Variants in CDC42BPA observed in about 807,000 individuals in gnomAD.
The protein encoded by CDC42BPA is serine/threonine-protein kinase MRCK alpha.
A neutral mutation model predicts 223.5 loss-of-function variants in CDC42BPA; 80 were observed. That is an observed-to-expected ratio of 0.36 (90% CI 0.30 to 0.43). The LOEUF is 0.43. Among genes scored for constraint, CDC42BPA ranks in the 20% least tolerant of loss-of-function variants. CDC42BPA has a pLI of 1.00. For synonymous variants in CDC42BPA, 694 were observed against 718.6 expected (o/e 0.97, Z 0.55); for missense variants, 1,743 against 2,099.9 (o/e 0.83, Z 3.32).
At chr1:227,246,287 G>A (rs547451849) in intron 2 of CDC42BPA, among the ~76,000 whole-genome samples, 61 of 152,328 alleles carry the variant, frequency 4.0e-4, no homozygotes, top group South Asian at 2.3e-3. Context: ...CAGCACAGAC[G>A]TAGTAAAAAT....
intron 9 of CDC42BPA, among the ~76,000 whole-genome samples, chr1:227,142,344 TCTC>T (rs1659837981): frequency 6.6e-6 from 1 of 152,128 alleles, no homozygotes; most frequent in Non-Finnish European, 1.5e-5. Context: ...GGTTGAAAGT[TCTC>T]CTGCTTGACA....
intron 2 of CDC42BPA, among the ~76,000 whole-genome samples, chr1:227,220,297 TATATATATATATATAC>T (rs1397048568): frequency 2.1e-5 from 2 of 96,540 alleles, no homozygotes; most frequent in Middle Eastern, 4.6e-3. Context: ...TATATATATA[TATATATATATATATAC>T]ACACACACAC....
intron 30 of CDC42BPA, 131 bp from the exon 31 acceptor site, chr1:227,026,283 G>A (rs2148612977): frequency 1.8e-6 from 1 of 551,414 alleles, no homozygotes. Flanking sequence ...TCATATAGTA[G>A]CCAAATCAAA....
chr1:226,998,195 A>G (rs1040383281), intron 35 of CDC42BPA, among the ~76,000 whole-genome samples: 5 of 152,368 alleles, frequency 3.3e-5, no homozygotes, highest in Admixed American at 2.0e-4. Context: ...GGAAGAATCA[A>G]TATCATGAAA....
chr1:227,021,747 C>T (rs1017004147), intron 32 of CDC42BPA, among the ~76,000 whole-genome samples: 4 of 151,800 alleles, frequency 2.6e-5, no homozygotes, highest in Admixed American at 6.6e-5. Context: ...TGGCCAGGCG[C>T]GGTGGCTCAC....
At chr1:227,039,820 C>T (rs955801677) in intron 24 of CDC42BPA, among the ~76,000 whole-genome samples, 1 of 152,066 alleles carries the variant, frequency 6.6e-6, no homozygotes, top group Non-Finnish European at 1.5e-5. Context: ...TTTTTAATAA[C>T]AATTTCTCTA....
At chr1:227,026,284 C>A (rs571749778) in intron 30 of CDC42BPA, 132 bp from the exon 31 acceptor site, 51 of 546,352 alleles carry the variant, frequency 9.3e-5, no homozygotes, top group Non-Finnish European at 1.4e-4. Context: ...CATATAGTAG[C>A]CAAATCAAAA....
rs1334800254 is a variant in CDC42BPA, at chr1:227,023,471, C to G, written c.4531-124G>C. The G allele has an allele frequency of 1.2e-5, 6 of 502,226 alleles. No homozygotes were observed. In the South Asian group the frequency reaches 1.5e-4, roughly 13 times the overall value. The allele number at this position is 502,226 out of a possible 1,614,324, so 31.1% of individuals were successfully genotyped here. A position where few individuals can be genotyped will look rare whatever the true frequency, so the allele number is the denominator to read the frequency against. On this transcript the variant is annotated intron_variant, in intron 31 of 36. Transcript: ENST00000366766. ...CATTTATCTACTTCAAAATGCAGCC[C>G]TCTCAGAAAAATCAACAATAATTCT...
intron 34 of CDC42BPA, among the ~76,000 whole-genome samples, chr1:227,015,384 T>C (rs1173245263): frequency 2.6e-5 from 4 of 151,820 alleles, no homozygotes; most frequent in South Asian, 2.1e-4. Context: ...GATCACACCA[T>C]TGCACTCCAG....
chr1:227,170,583 T>A (rs187569696), intron 5 of CDC42BPA, among the ~76,000 whole-genome samples: 1 of 152,198 alleles, frequency 6.6e-6, no homozygotes, highest in Non-Finnish European at 1.5e-5. Flanking sequence ...TGTCAACAGA[T>A]AGCTCCCCAC....
intron 1 of CDC42BPA, among the ~76,000 whole-genome samples, chr1:227,283,828 T>C (rs1200031312): frequency 6.6e-6 from 1 of 152,204 alleles, no homozygotes; most frequent in Admixed American, 6.5e-5. Context: ...CTCAGCACTT[T>C]GGGAGGCCAG....
intron 1 of CDC42BPA, among the ~76,000 whole-genome samples, chr1:227,256,989 A>ACACC (rs781287283): frequency 5.5e-5 from 8 of 146,606 alleles, no homozygotes; most frequent in African/African-American, 1.8e-4. Context: ...ACACACACAC[A>ACACC]CCAGTATGTT....
chr1:227,092,182 C>T (rs10799383), intron 15 of CDC42BPA, among the ~76,000 whole-genome samples, 191 bp from the exon 16 acceptor site: 31,151 of 152,094 alleles, frequency 0.2, 3,288 homozygotes, highest in East Asian at 0.26. Flanking sequence ...ATTTATATTA[C>T]AATAATACTG....
At chr1:227,202,760 C>CAA (rs35609906) in intron 3 of CDC42BPA, among the ~76,000 whole-genome samples, 4,243 of 114,276 alleles carry the variant, frequency 0.037, 196 homozygotes, top group African/African-American at 0.1. Flanking sequence ...TCTCTACAGG[C>CAA]AAAAAAAAAA....
chr1:227,016,379 T>TAA (rs1666257566), intron 33 of CDC42BPA, among the ~76,000 whole-genome samples, 182 bp from the exon 34 acceptor site: 1 of 152,238 alleles, frequency 6.6e-6, no homozygotes, highest in South Asian at 2.1e-4. Context: ...TTTTAAATTT[T>TAA]AAAAGATCTT....
At chr1:227,309,227 C>T (rs961754358) in intron 1 of CDC42BPA, among the ~76,000 whole-genome samples, 1 of 139,066 alleles carries the variant, frequency 7.2e-6, no homozygotes, top group East Asian at 2.1e-4. Flanking sequence ...AAAAAATAAG[C>T]AAGAAAACTA....
rs147108658 is a variant in CDC42BPA at position 227,205,630 on chromosome 1, T to A, written c.355-5978A>T. Among the ~76,000 whole-genome samples, 422 of 152,066 alleles carry A rather than the reference T, an allele frequency of 2.8e-3. 3 individuals are homozygous for A. The highest frequency in any genetic ancestry group is 9.9e-3 in the African/African-American group (409 of 41,466). ...AATAGCCAAACAAGGATAACAACAA[T>A]AGAAAAACTAATAAAACAATAGGCA... On this transcript the variant is annotated intron_variant, in intron 3 of 36. Transcript: ENST00000366766.
intron 1 of CDC42BPA, among the ~76,000 whole-genome samples, chr1:227,273,241 T>C (rs1419553827): frequency 6.6e-6 from 1 of 151,200 alleles, no homozygotes; most frequent in Non-Finnish European, 1.5e-5. Context: ...GAGGTTGCAG[T>C]GAGTCGAGAT....
intron 23 of CDC42BPA, among the ~76,000 whole-genome samples, chr1:227,042,424 T>G (rs1430427861): frequency 6.6e-6 from 1 of 152,024 alleles, no homozygotes; most frequent in Non-Finnish European, 1.5e-5. Context: ...TAATTTTAGG[T>G]AATAAATCAT....
Sources: gnomAD v4.1 joint callset for allele counts (sites outside exome capture counted in the v4.1 genomes callset) on GRCh38, gnomAD v4.1.1 for gene constraint, MANE v1.5 for transcripts, NCBI Gene and HGNC (gene_info 2026-07-23, HGNC 2026-07-21) for gene names.